The following MAPK10 variants were observed in gnomAD, a reference collection of about 807,000 sequenced individuals.
The protein encoded by MAPK10 is mitogen-activated protein kinase 10.
Under a neutral mutation model 59.3 loss-of-function variants are expected in MAPK10, and 25 were observed. That is an observed-to-expected ratio of 0.42 (90% CI 0.31 to 0.59). The LOEUF (loss-of-function observed/expected upper bound fraction) is 0.59. Ranked by LOEUF, MAPK10 falls within the 20% of genes least tolerant of loss-of-function variation. MAPK10 has a pLI of 0.15. For missense variants in MAPK10, 351 were observed against 568.9 expected, an observed-to-expected ratio of 0.62 and a Z score of 3.90; for synonymous variants, 190 against 200.5, an observed-to-expected ratio of 0.95 and a Z score of 0.44.
At chr4:86,422,758 T>C (rs1299318107) in intron 1 of MAPK10, among the ~76,000 whole-genome samples, 1 of 152,148 alleles carries the variant, frequency 6.6e-6, no homozygotes, top group Non-Finnish European at 1.5e-5. Context: ...TAAGGGTATA[T>C]GACACACAGG....
intron 2 of MAPK10, among the ~76,000 whole-genome samples, chr4:86,312,779 G>A (rs2095695574): frequency 6.6e-6 from 1 of 152,054 alleles, no homozygotes; most frequent in South Asian, 2.1e-4. Flanking sequence ...GACCAGACAG[G>A]AAATTGATTT....
At chr4:86,224,712 C>T (rs1364036376) in intron 2 of MAPK10, among the ~76,000 whole-genome samples, 1 of 152,074 alleles carries the variant, frequency 6.6e-6, no homozygotes, top group Admixed American at 6.5e-5. Flanking sequence ...TTCTTTGCTC[C>T]CCAAATTTAA....
chr4:86,441,712 T>C (rs1217595422), intron 1 of MAPK10, among the ~76,000 whole-genome samples: 1 of 152,128 alleles, frequency 6.6e-6, no homozygotes, highest in Non-Finnish European at 1.5e-5. Flanking sequence ...AAACATGGAC[T>C]AGGCTGTCAA....
intron 2 of MAPK10, among the ~76,000 whole-genome samples, chr4:86,229,892 C>CAA (rs879925559): frequency 2.1e-5 from 3 of 142,214 alleles, no homozygotes; most frequent in African/African-American, 7.8e-5. Context: ...TCTGTCTCTA[C>CAA]AAAAAAAAAA....
intron 1 of MAPK10, among the ~76,000 whole-genome samples, chr4:86,492,614 C>G (rs1754553249): frequency 1.3e-5 from 2 of 152,082 alleles, no homozygotes; most frequent in Admixed American, 6.5e-5. Flanking sequence ...GCTTATTTCC[C>G]AGGGTGGAGA....
chr4:86,197,847 A>G, intron 2 of MAPK10, among the ~76,000 whole-genome samples: 1 of 152,152 alleles, frequency 6.6e-6, no homozygotes, highest in Non-Finnish European at 1.5e-5. Flanking sequence ...TCTGCCAGAG[A>G]TCAAGAACTA....
intron 1 of MAPK10, among the ~76,000 whole-genome samples, chr4:86,571,806 T>TG (rs776568606): frequency 1.0e-3 from 156 of 152,276 alleles, no homozygotes; most frequent in Non-Finnish European, 1.7e-3. Flanking sequence ...GTAATTTATT[T>TG]GGGGTCAGCT....
At chr4:86,563,004 C>G (rs1188530255) in intron 1 of MAPK10, among the ~76,000 whole-genome samples, 1 of 152,162 alleles carries the variant, frequency 6.6e-6, no homozygotes, top group Admixed American at 6.5e-5. Flanking sequence ...CAGTCAAATA[C>G]TACCTTGTAT....
chr4:86,092,387 C>T lies in MAPK10; in HGVS notation c.802+6137G>A, dbSNP rs572015097. 5.3e-5 allele frequency among the ~76,000 whole-genome samples: 8 copies of T among 152,084 alleles called. No homozygotes were observed. The South Asian group carries it at 1.7e-3, about 31-fold the overall frequency. On this transcript the variant is annotated intron_variant, in intron 9 of 13. Coordinates refer to ENST00000641462, the MANE Select transcript of MAPK10 (RefSeq NM_138982.4). ...GAATTACAAAAATTGAATATATGCA[C>T]ATAAATTTATATAGATTTTTATGTA...
At chr4:86,221,613 A>G (rs1161861594) in intron 2 of MAPK10, among the ~76,000 whole-genome samples, 4 of 151,722 alleles carry the variant, frequency 2.6e-5, no homozygotes, top group Non-Finnish European at 2.9e-5. Flanking sequence ...CAGCCTCCTT[A>G]GTGGCTGGGA....
rs778747689 is a variant in MAPK10 at position 86,017,614 on chromosome 4, C to T, written c.1253-244G>A. 6.6e-6 allele frequency among the ~76,000 whole-genome samples: 1 copy of T among 152,206 alleles called. No homozygotes were observed. The highest frequency in any genetic ancestry group is 1.5e-5 in the Non-Finnish European group (1 of 68,044). ...TCTATATTTGAAATCACCTGCAACA[C>T]TTTCTATTAAAAAACACTAATATCT... On this transcript the variant is annotated intron_variant, in intron 13 of 13. Transcript: ENST00000641462. This position sits in a 1 kb window ranked among gnomAD's most constrained non-coding sequence, Gnocchi z 4.4.
At chr4:86,316,308 ATAT>A (rs1299499059) in intron 2 of MAPK10, among the ~76,000 whole-genome samples, 2 of 152,216 alleles carry the variant, frequency 1.3e-5, no homozygotes, top group Non-Finnish European at 2.9e-5. Flanking sequence ...TAGCATTTAT[ATAT>A]TTTTTTCTAT....
intron 2 of MAPK10, among the ~76,000 whole-genome samples, chr4:86,300,015 C>A: frequency 6.6e-6 from 1 of 152,044 alleles, no homozygotes; most frequent in East Asian, 1.9e-4. Flanking sequence ...GCCTCAGCCT[C>A]CTGAGTAGCT....
At chr4:86,099,070 G>C (rs998502823) in intron 8 of MAPK10, 1 of 152,976 alleles carries the variant, frequency 6.5e-6, no homozygotes, top group African/African-American at 2.4e-5. Flanking sequence ...GGGCCAGGGG[G>C]CCGGGGCAAA....
chr4:86,193,171 T>C, intron 3 of MAPK10: 1 of 156,706 alleles, frequency 6.4e-6, no homozygotes, highest in Non-Finnish European at 1.4e-5. Context: ...ACCTGCCAGA[T>C]GCCAGCTGGA....
chr4:86,028,972 T>C (rs1751739136), intron 13 of MAPK10: 1 of 580,094 alleles, frequency 1.7e-6, no homozygotes, highest in Non-Finnish European at 3.1e-6. Context: ...ATTAAAATTA[T>C]TTATGAAAAA....
At chr4:86,362,060 A>G (rs1737081185), upstream of MAPK10, among the ~76,000 whole-genome samples, 1 of 152,174 alleles carries the variant, frequency 6.6e-6, no homozygotes, top group Non-Finnish European at 1.5e-5. Context: ...CTACAAAGAA[A>G]TGATAAATAT....
At chr4:86,054,486 A>G (rs115266516) in intron 11 of MAPK10, among the ~76,000 whole-genome samples, 1,535 of 152,286 alleles carry the variant, frequency 0.01, 23 homozygotes, top group African/African-American at 0.035. Context: ...AACTGCTCAT[A>G]TTTTGCTGCT....
rs372381149 is a variant in MAPK10 at position 86,372,564 on chromosome 4, G to GAAAAGA, written c.-121-17921_-121-17920insTCTTTT. Reference sequence around the variant, plus strand: ...AGAAAGAAAGAAAGAAAGAAAGAAAGAAAGAAAAGAAAAGAAAAGAAAAGA... The same window carrying GAAAAGA: ...AGAAAGAAAGAAAGAAAGAAAGAAAGAAAAGAAAAGAAAAGAAAAGAAAAGAAAAGA... On this transcript the variant is annotated intron_variant, in intron 1 of 13. Transcript: ENST00000361569. Among the ~76,000 whole-genome samples, 111 of 78,670 alleles carry GAAAAGA rather than the reference G, an allele frequency of 1.4e-3. 1 individual carries two copies. The highest frequency in any genetic ancestry group is 3.5e-3 in the African/African-American group (80 of 22,558). 51.6% of individuals were successfully genotyped at this position (78,670 alleles called of 152,430 possible).
Sources: allele counts gnomAD v4.1 joint callset (sites outside exome capture counted in the v4.1 genomes callset), GRCh38; gene constraint gnomAD v4.1.1; non-coding constraint Gnocchi (gnomAD v3.1); transcripts MANE v1.5; gene names NCBI Gene and HGNC (gene_info 2026-07-23, HGNC 2026-07-21).